The following GAREM1 variants were observed in gnomAD, a reference collection of about 807,000 sequenced individuals.
GAREM1 encodes GRB2 associated regulator of MAPK1 subtype 1.
GAREM1 carries 26 observed loss-of-function variants against 71.3 expected under a neutral mutation model. The ratio of observed to expected loss-of-function variants is 0.36; its 90% CI spans 0.27 to 0.51. The LOEUF is 0.51. Among genes scored for constraint, GAREM1 ranks in the 20% least tolerant of loss-of-function variants. The probability of loss-of-function intolerance (pLI) is 0.95; values close to 1 mark genes in which losing one functional copy is unlikely to be tolerated. For synonymous variants in GAREM1, 440 were observed against 433.2 expected (o/e 1.02, Z -0.20); for missense variants, 1,026 against 1,103.1 (o/e 0.93, Z 0.99).
chr18:32,438,856 C>T (rs1374390355), intron 1 of GAREM1, among the ~76,000 whole-genome samples: 1 of 152,052 alleles, frequency 6.6e-6, no homozygotes, highest in African/African-American at 2.4e-5. Flanking sequence ...TTGAAGGCAC[C>T]GTGTCTCCTA....
intron 2 of GAREM1, among the ~76,000 whole-genome samples, chr18:32,352,896 T>A (rs538561974): frequency 4.4e-4 from 67 of 152,278 alleles, no homozygotes; most frequent in Non-Finnish European, 6.3e-4. Context: ...ATGCCTCCCT[T>A]CTAGAACTAG....
intron 1 of GAREM1, among the ~76,000 whole-genome samples, chr18:32,406,147 G>A (rs2048363464): frequency 6.6e-6 from 1 of 152,136 alleles, no homozygotes; most frequent in African/African-American, 2.4e-5. Context: ...TCTATAAACT[G>A]AGGGATATAA....
chr18:32,327,026 A>G (rs575722265), intron 2 of GAREM1, among the ~76,000 whole-genome samples: 11 of 152,180 alleles, frequency 7.2e-5, no homozygotes, highest in Non-Finnish European at 1.5e-4. Flanking sequence ...ATTAAAAAAC[A>G]CTCTTCTTTC....
chr18:32,378,446 A>G (rs7236302), intron 2 of GAREM1, among the ~76,000 whole-genome samples: 5,263 of 150,886 alleles, frequency 0.035, 142 homozygotes, highest in East Asian at 0.11. Context: ...GTTGCAGTGA[A>G]CTGAGATCAC....
chr18:32,402,119 C>T (rs2048321016), intron 1 of GAREM1, among the ~76,000 whole-genome samples: 1 of 152,084 alleles, frequency 6.6e-6, no homozygotes, highest in South Asian at 2.1e-4. Context: ...ATAAAGTAAA[C>T]AATTTTGTGA....
intron 2 of GAREM1, among the ~76,000 whole-genome samples, chr18:32,357,161 G>A (rs970078970): frequency 6.6e-5 from 10 of 152,012 alleles, no homozygotes; most frequent in East Asian, 3.9e-4. Flanking sequence ...CTCAGGTTTC[G>A]GCTTACAAGT....
rs1475151592 is a variant in GAREM1, at chr18:32,470,451, G to A, written c.-23C>T. ...CATCTTCCCCGAAGCCTCCTGTCCC[G>A]CGCTCCCCCGCCGCCGCCACCGGCA... On this transcript the variant is annotated 5_prime_UTR_variant, in exon 1 of 6. Coordinates refer to ENST00000269209, the MANE Select transcript of GAREM1 (RefSeq NM_001242409.2). This position sits in a 1 kb window ranked among gnomAD's most constrained non-coding sequence, Gnocchi z 4.4. The A allele has an allele frequency of 6.8e-6, 9 of 1,326,264 alleles. No homozygotes were observed. Among genetic ancestry groups the A allele is most frequent in the Non-Finnish European group, 8.8e-6 (9 of 1,024,954 alleles). The allele number at this position is 1,326,264 out of a possible 1,614,324, so 82.2% of individuals were successfully genotyped here.
chr18:32,377,108 G>A (rs896215168), intron 2 of GAREM1, among the ~76,000 whole-genome samples: 33 of 152,310 alleles, frequency 2.2e-4, no homozygotes, highest in African/African-American at 7.7e-4. Flanking sequence ...CGGCCACTAA[G>A]GAGTTGACCA....
chr18:32,425,588 T>C (rs2048566484), intron 1 of GAREM1, among the ~76,000 whole-genome samples: 1 of 152,118 alleles, frequency 6.6e-6, no homozygotes, highest in Admixed American at 6.6e-5. Flanking sequence ...TAAAGAATAG[T>C]GCGAGATAAA....
chr18:32,345,606 A>G (rs534186687), intron 2 of GAREM1, among the ~76,000 whole-genome samples: 1 of 152,224 alleles, frequency 6.6e-6, no homozygotes, highest in Non-Finnish European at 1.5e-5. Flanking sequence ...ATAAGCAAAG[A>G]AAATGCCAGT....
intron 2 of GAREM1, among the ~76,000 whole-genome samples, chr18:32,323,139 C>T (rs534259619): frequency 2.6e-5 from 4 of 152,188 alleles, no homozygotes; most frequent in Non-Finnish European, 5.9e-5. Flanking sequence ...ATGTGTTCAA[C>T]TTTTAATGGT....
At chr18:32,456,184 C>T (rs1420521218) in intron 1 of GAREM1, among the ~76,000 whole-genome samples, 4 of 151,834 alleles carry the variant, frequency 2.6e-5, no homozygotes, top group African/African-American at 9.7e-5. Context: ...GTCAATTGAT[C>T]GGAAAAATGT....
At chr18:32,294,279 A>G (rs559143085) in intron 3 of GAREM1, among the ~76,000 whole-genome samples, 1 of 152,338 alleles carries the variant, frequency 6.6e-6, no homozygotes, top group Non-Finnish European at 1.5e-5. Flanking sequence ...AAGATACGTT[A>G]TATTACGCAT....
rs533999496 is a variant in GAREM1 at position 32,330,494 on chromosome 18, T to C, written c.263-20171A>G. On this transcript the variant is annotated intron_variant, in intron 2 of 5. Coordinates refer to ENST00000269209, the MANE Select transcript of GAREM1 (RefSeq NM_001242409.2). Reference sequence around the variant, plus strand: ...ATAACAAACCTGCACATGTATCCCCTGAATCTAAAATAAAAATTGAAATGA... The same window carrying C: ...ATAACAAACCTGCACATGTATCCCCCGAATCTAAAATAAAAATTGAAATGA... Among the ~76,000 whole-genome samples the C allele has an allele frequency of 3.4e-4, 52 of 152,270 alleles. No homozygotes were observed. In the South Asian group the frequency reaches 0.011, roughly 31 times the overall value.
chr18:32,308,518 TAAAA>T (rs944043725), intron 3 of GAREM1, among the ~76,000 whole-genome samples: 2 of 149,506 alleles, frequency 1.3e-5, no homozygotes, highest in East Asian at 3.9e-4. Flanking sequence ...ACTAACTTTC[TAAAA>T]AAAACTTATT....
chr18:32,393,105 T>C (rs2048218945), intron 1 of GAREM1, 70 bp from the exon 2 acceptor site: 18 of 1,494,248 alleles, frequency 1.2e-5, no homozygotes, highest in Non-Finnish European at 1.6e-5. Flanking sequence ...TGCAATAAAA[T>C]TTCATTAGTT....
intron 2 of GAREM1, among the ~76,000 whole-genome samples, chr18:32,335,610 T>A (rs1436977851): frequency 6.6e-6 from 1 of 152,206 alleles, no homozygotes; most frequent in African/African-American, 2.4e-5. Context: ...ACTCCTTCAA[T>A]ACCCACTGCA....
chr18:32,467,525 T>A (rs2049010705), intron 1 of GAREM1, among the ~76,000 whole-genome samples: 1 of 152,178 alleles, frequency 6.6e-6, no homozygotes, highest in East Asian at 1.9e-4. Context: ...TCTTAAAAAT[T>A]GTGTTGCTGA....
intron 2 of GAREM1, among the ~76,000 whole-genome samples, chr18:32,379,309 C>G (rs1443919901): frequency 6.6e-6 from 1 of 151,980 alleles, no homozygotes; most frequent in Non-Finnish European, 1.5e-5. Context: ...CAGTTAATAT[C>G]TGAATAGATC....
Sources: allele counts gnomAD v4.1 joint callset (sites outside exome capture counted in the v4.1 genomes callset), GRCh38; gene constraint gnomAD v4.1.1; non-coding constraint Gnocchi (gnomAD v3.1); transcripts MANE v1.5; gene names NCBI Gene and HGNC (gene_info 2026-07-23, HGNC 2026-07-21).